LRRTM4: variants seen among roughly 807,000 people sequenced by gnomAD.
The protein encoded by LRRTM4 is leucine rich repeat transmembrane neuronal 4.
Under a neutral mutation model 47.6 loss-of-function variants are expected in LRRTM4, and 25 were observed. The ratio of observed to expected loss-of-function variants is 0.53; its 90% confidence interval spans 0.38 to 0.73. LRRTM4 has a LOEUF of 0.73. Among genes scored for constraint, LRRTM4 ranks in the 30% least tolerant of loss-of-function variants. LRRTM4 has a pLI of 0.00. For synonymous variants in LRRTM4, 311 were observed against 269.5 expected (o/e 1.15, Z -1.51); for missense variants, 638 against 713.4 (o/e 0.89, Z 1.20).
intron 3 of LRRTM4, among the ~76,000 whole-genome samples, chr2:76,996,182 A>G (rs930531156): frequency 5.9e-5 from 9 of 152,092 alleles, no homozygotes; most frequent in Non-Finnish European, 1.2e-4. Flanking sequence ...AATAGATGTA[A>G]TATATTTTAG....
Position 77,414,798 on chromosome 2 carries a change from TACCATCTTCCCTCGCACACAATAGC to T in LRRTM4, c.1551+103495_1551+103519del, listed in dbSNP as rs149957661. ...TTCCTGTGCCTCCTGCCCCGCTCTA[TACCATCTTCCCTCGCACACAATAGC>T]ACCAATAATCCACTTTCAGTGTCTG... On this transcript the variant is annotated intron_variant, in intron 3 of 3. Coordinates refer to ENST00000409884, the MANE Select transcript of LRRTM4 (RefSeq NM_001134745.3). Among the ~76,000 whole-genome samples, 752 of 152,346 alleles carry T rather than the reference TACCATCTTCCCTCGCACACAATAGC, an allele frequency of 4.9e-3. 1 individual carries two copies. The highest frequency in any genetic ancestry group is 8.5e-3 in the Non-Finnish European group (581 of 68,032).
chr2:76,812,086 G>A (rs1046246403), intron 3 of LRRTM4, among the ~76,000 whole-genome samples: 3 of 152,044 alleles, frequency 2.0e-5, no homozygotes, highest in Admixed American at 2.0e-4. Flanking sequence ...TTTGATAGAT[G>A]GAGTTATTTG....
intron 3 of LRRTM4, among the ~76,000 whole-genome samples, chr2:77,159,908 C>G (rs13002417): frequency 0.47 from 72,161 of 152,036 alleles, 19,381 homozygotes; most frequent in Non-Finnish European, 0.6. Context: ...CTGATTGTGA[C>G]AGAATCAATC....
At chr2:77,492,718 A>G (rs1678215134) in intron 3 of LRRTM4, among the ~76,000 whole-genome samples, 1 of 152,206 alleles carries the variant, frequency 6.6e-6, no homozygotes, top group Non-Finnish European at 1.5e-5. Flanking sequence ...TTAAGAATCA[A>G]GGTATAAGGA....
chr2:77,111,373 C>T (rs1276168445), intron 3 of LRRTM4, among the ~76,000 whole-genome samples: 6 of 151,178 alleles, frequency 4.0e-5, no homozygotes, highest in Non-Finnish European at 4.4e-5. Context: ...GTGATCCGCC[C>T]GCCTCGGCCT....
chr2:76,974,790 C>T (rs12713885), intron 3 of LRRTM4, among the ~76,000 whole-genome samples: 38,092 of 151,454 alleles, frequency 0.25, 6,210 homozygotes, highest in African/African-American at 0.46. Context: ...CAATGTACTA[C>T]AAAAGTTGTT....
intron 3 of LRRTM4, among the ~76,000 whole-genome samples, chr2:77,492,015 A>G (rs1373388143): frequency 6.7e-6 from 1 of 150,338 alleles, no homozygotes; most frequent in Non-Finnish European, 1.5e-5. Flanking sequence ...AACATAATAT[A>G]TCACTGAATT....
intron 3 of LRRTM4, among the ~76,000 whole-genome samples, chr2:76,942,398 G>T (rs1343614903): frequency 6.6e-6 from 1 of 152,032 alleles, no homozygotes; most frequent in African/African-American, 2.4e-5. Flanking sequence ...CCAGCTGACG[G>T]GGTGTTAAGA....
At chr2:77,327,148 G>T (rs535082235) in intron 3 of LRRTM4, among the ~76,000 whole-genome samples, 1 of 152,198 alleles carries the variant, frequency 6.6e-6, no homozygotes, top group South Asian at 2.1e-4. Context: ...AAAGGATAGC[G>T]GTCAAGCTAA....
chr2:77,320,135 T>C (rs1282897118), intron 3 of LRRTM4, among the ~76,000 whole-genome samples: 3 of 151,026 alleles, frequency 2.0e-5, no homozygotes, highest in Non-Finnish European at 4.4e-5. Context: ...CTGAGGCCTC[T>C]GCCCTCCCTT....
At chr2:77,243,756 C>CT (rs60554037) in intron 3 of LRRTM4, among the ~76,000 whole-genome samples, 17,330 of 125,258 alleles carry the variant, frequency 0.14, 1,504 homozygotes, top group East Asian at 0.35. Flanking sequence ...TACCATATCC[C>CT]TTTTTTTTTC....
At chr2:76,999,190 A>C (rs527630237) in intron 3 of LRRTM4, among the ~76,000 whole-genome samples, 1 of 152,186 alleles carries the variant, frequency 6.6e-6, no homozygotes, top group East Asian at 1.9e-4. Flanking sequence ...GCCACACATT[A>C]ACATTAACCC....
intron 3 of LRRTM4, among the ~76,000 whole-genome samples, chr2:76,762,070 A>T (rs1573061768): frequency 6.6e-6 from 1 of 152,274 alleles, no homozygotes; most frequent in East Asian, 1.9e-4. Context: ...CCCCAACTAC[A>T]GCCGCTACCC....
chr2:77,486,799 C>A (rs1026500993), intron 3 of LRRTM4, among the ~76,000 whole-genome samples: 1 of 152,094 alleles, frequency 6.6e-6, no homozygotes. Context: ...AAGAGATATG[C>A]CACTTTTTGT....
chr2:77,249,233 C>T lies in LRRTM4; in HGVS notation c.1551+269085G>A, dbSNP rs113873095. On this transcript the variant is annotated intron_variant, in intron 3 of 3. Transcript: ENST00000409884. ...GGCTTGGTGGTGAGTGCCTGTAATCCCAGCTACTCAGGAAGCTAAGGCAGG... is the reference window on the plus strand; with the variant it reads ...GGCTTGGTGGTGAGTGCCTGTAATCTCAGCTACTCAGGAAGCTAAGGCAGG... Among the ~76,000 whole-genome samples the T allele has an allele frequency of 7.8e-3, 1,178 of 151,898 alleles. 9 individuals carry two copies. The highest frequency in any genetic ancestry group is 0.051 in the East Asian group (260 of 5,142).
intron 3 of LRRTM4, among the ~76,000 whole-genome samples, chr2:77,188,760 T>C (rs1673583153): frequency 1.3e-5 from 2 of 152,212 alleles, no homozygotes. Flanking sequence ...TGGTCTGCTC[T>C]GCCCTCCCAT....
chr2:76,912,916 C>T, intron 3 of LRRTM4, among the ~76,000 whole-genome samples: 1 of 152,268 alleles, frequency 6.6e-6, no homozygotes, highest in South Asian at 2.1e-4. Context: ...AGCCGCTATG[C>T]TTCCTGTACA....
intron 3 of LRRTM4, among the ~76,000 whole-genome samples, chr2:77,147,016 A>C (rs1312013137): frequency 1.3e-5 from 2 of 152,138 alleles, no homozygotes; most frequent in African/African-American, 2.4e-5. Context: ...AAAATAATAA[A>C]ATTTTTCATT....
chr2:77,429,189 T>C (rs1039899326), intron 3 of LRRTM4, among the ~76,000 whole-genome samples: 1 of 152,108 alleles, frequency 6.6e-6, no homozygotes, highest in African/African-American at 2.4e-5. Flanking sequence ...AGCTCCAATG[T>C]GGGCAAGTGT....
Sources: gnomAD v4.1 joint callset for allele counts (sites outside exome capture counted in the v4.1 genomes callset) on GRCh38, gnomAD v4.1.1 for gene constraint, MANE v1.5 for transcripts, NCBI Gene and HGNC (gene_info 2026-07-23, HGNC 2026-07-21) for gene names.